The following ROBO2 variants were observed in gnomAD, a reference collection of about 807,000 sequenced individuals.
ROBO2 encodes roundabout homolog 2.
Under a neutral mutation model 160.8 loss-of-function variants are expected in ROBO2, and 53 were observed. That is an observed-to-expected ratio of 0.33 (90% CI 0.26 to 0.41). The LOEUF is 0.41. Ranked by LOEUF, ROBO2 falls within the 10% of genes least tolerant of loss-of-function variation. The probability of loss-of-function intolerance (pLI) is 1.00; values close to 1 mark genes in which losing one functional copy is unlikely to be tolerated. For missense variants in ROBO2, 1,577 were observed against 1,722.4 expected (o/e 0.92, Z 1.49); for synonymous variants, 664 against 611.7 (o/e 1.09, Z -1.26).
intron 2 of ROBO2, among the ~76,000 whole-genome samples, chr3:76,060,580 G>A (rs2068040064): frequency 6.6e-6 from 1 of 152,294 alleles, no homozygotes. Context: ...ATTTCTGGTT[G>A]ATGACTGTCA....
chr3:76,107,785 G>A (rs948658959), intron 2 of ROBO2, among the ~76,000 whole-genome samples: 1 of 151,888 alleles, frequency 6.6e-6, no homozygotes, highest in Non-Finnish European at 1.5e-5. Flanking sequence ...GTTACAAAAT[G>A]TTTCCTCTTT....
intron 23 of ROBO2, among the ~76,000 whole-genome samples, chr3:77,622,944 AT>A (rs1407732029): frequency 1.3e-5 from 2 of 152,182 alleles, no homozygotes; most frequent in Non-Finnish European, 2.9e-5. Context: ...ATGTTTATGC[AT>A]TTCACATTGC....
chr3:77,622,762 T>A (rs1324623508), intron 23 of ROBO2, among the ~76,000 whole-genome samples: 2 of 152,200 alleles, frequency 1.3e-5, no homozygotes, highest in African/African-American at 2.4e-5. Context: ...ATCTTTTTTA[T>A]ATATATCAGG....
chr3:77,268,431 A>C (rs1224341652), intron 2 of ROBO2, among the ~76,000 whole-genome samples: 3 of 152,184 alleles, frequency 2.0e-5, no homozygotes, highest in African/African-American at 7.2e-5. Context: ...GAAATTATTC[A>C]TTCTCCACTG....
intron 23 of ROBO2, chr3:77,631,270 G>C (rs960268093): frequency 6.6e-6 from 1 of 152,046 alleles, no homozygotes; most frequent in Non-Finnish European, 1.5e-5. Flanking sequence ...TGTATTGAAA[G>C]TGCATGAATC....
intron 2 of ROBO2, among the ~76,000 whole-genome samples, chr3:76,633,290 C>T (rs917786109): frequency 1.3e-5 from 2 of 152,172 alleles, no homozygotes; most frequent in South Asian, 2.1e-4. Context: ...TCCCCACCCC[C>T]GCACATGAAA....
intron 2 of ROBO2, among the ~76,000 whole-genome samples, chr3:76,893,528 T>A (rs147352967): frequency 1.7e-3 from 265 of 152,254 alleles, no homozygotes; most frequent in African/African-American, 5.9e-3. Context: ...TTTTTCTTTT[T>A]TCTTTTTTAT....
chr3:77,189,150 G>T (rs1009705516), intron 2 of ROBO2, among the ~76,000 whole-genome samples: 2 of 151,732 alleles, frequency 1.3e-5, no homozygotes, highest in Non-Finnish European at 2.9e-5. Flanking sequence ...CAGTGATTTG[G>T]CCCCCGATGA....
At chr3:77,641,018 A>G (rs2095343473) in intron 24 of ROBO2, among the ~76,000 whole-genome samples, 1 of 152,232 alleles carries the variant, frequency 6.6e-6, no homozygotes, top group Non-Finnish European at 1.5e-5. Context: ...AGAAAATACA[A>G]TAATTTCTCC....
chr3:76,974,147 A>G (rs2059702782), intron 2 of ROBO2, among the ~76,000 whole-genome samples: 1 of 152,212 alleles, frequency 6.6e-6, no homozygotes, highest in African/African-American at 2.4e-5. Context: ...GAAGGACAAC[A>G]AAGTGTGGCA....
chr3:77,292,874 A>G (rs2153395446), intron 2 of ROBO2, among the ~76,000 whole-genome samples: 1 of 150,998 alleles, frequency 6.6e-6, no homozygotes, highest in South Asian at 2.1e-4. Flanking sequence ...AAAGACATAA[A>G]GTAAAATTGA....
intron 2 of ROBO2, among the ~76,000 whole-genome samples, chr3:76,786,486 G>A (rs1360309199): frequency 6.6e-6 from 1 of 151,174 alleles, no homozygotes; most frequent in Non-Finnish European, 1.5e-5. Context: ...AGAGAGAGAA[G>A]GGGGAGGTGC....
intron 1 of ROBO2, among the ~76,000 whole-genome samples, chr3:77,093,980 G>T (rs2070701070): frequency 6.6e-6 from 1 of 151,998 alleles, no homozygotes; most frequent in African/African-American, 2.4e-5. Context: ...TTTAAAAATT[G>T]CTGGAGATAT....
intron 2 of ROBO2, among the ~76,000 whole-genome samples, chr3:76,109,555 G>C (rs2070122320): frequency 6.6e-6 from 1 of 152,042 alleles, no homozygotes; most frequent in African/African-American, 2.4e-5. Context: ...TACTGAGAAT[G>C]TGTTGACTGT....
intron 2 of ROBO2, among the ~76,000 whole-genome samples, chr3:76,623,488 C>T (rs1226137859): frequency 6.6e-6 from 1 of 152,120 alleles, no homozygotes; most frequent in African/African-American, 2.4e-5. Flanking sequence ...CGGAAGCATC[C>T]AGGACCAAGT....
At chr3:76,232,403 C>G (rs1704673908) in intron 2 of ROBO2, among the ~76,000 whole-genome samples, 1 of 152,138 alleles carries the variant, frequency 6.6e-6, no homozygotes, top group South Asian at 2.1e-4. Flanking sequence ...CTTTCTGGCA[C>G]TATTGCTGCA....
chr3:77,367,242 C>T (rs1036276606), intron 2 of ROBO2, among the ~76,000 whole-genome samples: 1 of 152,054 alleles, frequency 6.6e-6, no homozygotes, highest in African/African-American at 2.4e-5. Context: ...CAGAGATATG[C>T]ACATAACTCT....
chr3:77,357,672 C>A (rs1360532812), intron 2 of ROBO2, among the ~76,000 whole-genome samples: 1 of 152,140 alleles, frequency 6.6e-6, no homozygotes, highest in Admixed American at 6.6e-5. Context: ...TAACCAAAGC[C>A]TTCTGACTCC....
At chr3:76,128,042 C>T (rs903534311) in intron 2 of ROBO2, among the ~76,000 whole-genome samples, 1 of 151,600 alleles carries the variant, frequency 6.6e-6, no homozygotes, top group Non-Finnish European at 1.5e-5. Flanking sequence ...ACTACAGGCG[C>T]CCACCACCAT....
Sources: allele counts gnomAD v4.1 joint callset (sites outside exome capture counted in the v4.1 genomes callset), GRCh38; gene constraint gnomAD v4.1.1; transcripts MANE v1.5; gene names NCBI Gene and HGNC (gene_info 2026-07-23, HGNC 2026-07-21).